Variants in MILR1 observed in about 807,000 individuals in gnomAD.
The protein encoded by MILR1 is mast cell immunoglobulin like receptor 1.
MILR1 carries 31 observed loss-of-function variants against 18.5 expected under a neutral mutation model. The ratio of observed to expected loss-of-function variants is 1.68; its 90% CI spans 1.26 to 2.26. The LOEUF (loss-of-function observed/expected upper bound fraction) is 2.26, where lower values mean the gene tolerates loss of function less well. MILR1 is among the 30% of genes most tolerant of loss of function. The pLI, the probability that MILR1 is intolerant of heterozygous loss-of-function variation, is 0.00. For missense variants in MILR1, 257 were observed against 157.4 expected (o/e 1.63, Z -3.38); for synonymous variants, 85 against 56.2 (o/e 1.51, Z -2.30).
rs141338649 is a variant in MILR1, at chr17:64,461,784, C to T, written c.763+852C>T. On this transcript the variant is annotated intron_variant, in intron 5 of 9. Transcript: ENST00000619286. ...ACTAGCTCCCCATCCCCTCTTCCCC[C>T]GGGCTCTGCCAACCACCATTCTGCT... is the stretch of plus-strand genomic sequence containing the variant. Among the ~76,000 whole-genome samples the T allele has an allele frequency of 2.2e-3, 338 of 152,264 alleles. 1 individual carries two copies. The highest frequency in any genetic ancestry group is 3.9e-3 in the Non-Finnish European group (263 of 68,028).
the MILR1 span, among the ~76,000 whole-genome samples, chr17:64,475,045 C>T: frequency 5.9e-5 from 9 of 151,526 alleles, no homozygotes; most frequent in African/African-American, 2.2e-4. Flanking sequence ...AAAAATTAAC[C>T]ACGTGTGGTA....
chr17:64,490,611 G>A, the MILR1 span: 1 of 613,946 alleles, frequency 1.6e-6, no homozygotes, highest in Non-Finnish European at 2.9e-6. Flanking sequence ...TGTGGCAATA[G>A]TGGATTACTG....
the MILR1 span, chr17:64,492,693 G>T: frequency 4.3e-6 from 7 of 1,610,022 alleles, no homozygotes; most frequent in South Asian, 4.4e-5. Context: ...AGTCGATGAC[G>T]TAACCAGAAA....
At chr17:64,493,094 T>G in the MILR1 span, 1 of 1,434,812 alleles carries the variant, frequency 7.0e-7, no homozygotes, top group East Asian at 2.3e-5. Context: ...ATAGACACAT[T>G]AATAGTAGTA....
the MILR1 span, among the ~76,000 whole-genome samples, chr17:64,491,968 A>G: frequency 6.6e-6 from 1 of 152,066 alleles, no homozygotes; most frequent in Non-Finnish European, 1.5e-5. Flanking sequence ...AGACAACAAA[A>G]ATAAAATAAA....
intron 3 of MILR1, among the ~76,000 whole-genome samples, chr17:64,456,465 GA>G (rs2037303641): frequency 6.6e-6 from 1 of 152,088 alleles, no homozygotes; most frequent in Non-Finnish European, 1.5e-5. Flanking sequence ...TGGAGGAAGT[GA>G]AAGATAATTG....
At chr17:64,493,359 G>C in the MILR1 span, among the ~76,000 whole-genome samples, 1 of 152,114 alleles carries the variant, frequency 6.6e-6, no homozygotes, top group Non-Finnish European at 1.5e-5. Context: ...CAAGGTTGCA[G>C]TGAGCTGGGA....
At chr17:64,460,019 T>TATTC (rs2037394713) in intron 4 of MILR1, among the ~76,000 whole-genome samples, 1 of 146,908 alleles carries the variant, frequency 6.8e-6, no homozygotes, top group African/African-American at 2.5e-5. Flanking sequence ...TTTATTTATT[T>TATTC]ATTTATTTAT....
chr17:64,451,931 CAAA>C (rs1268220197), intron 2 of MILR1, among the ~76,000 whole-genome samples: 1 of 118,598 alleles, frequency 8.4e-6, no homozygotes, highest in Non-Finnish European at 1.8e-5. Flanking sequence ...GACTCTGTCT[CAAA>C]AAAAAAAAAA....
chr17:64,496,778 T>C, the MILR1 span: 5 of 1,613,546 alleles, frequency 3.1e-6, no homozygotes, highest in East Asian at 1.1e-4. Flanking sequence ...CTCGCTTCCC[T>C]CTCCAGACCC....
At chr17:64,470,965 G>GGAA (rs781954820), downstream of MILR1, among the ~76,000 whole-genome samples, 1 of 152,122 alleles carries the variant, frequency 6.6e-6, no homozygotes, top group African/African-American at 2.4e-5. Flanking sequence ...ACATGGCAGG[G>GGAA]GAAGGTCTTA....
chr17:64,489,586 C>T, the MILR1 span, among the ~76,000 whole-genome samples: 1 of 151,772 alleles, frequency 6.6e-6, no homozygotes, highest in Non-Finnish European at 1.5e-5. Context: ...CAAAGCTAGA[C>T]CCCGTCTCTA....
chr17:64,460,506 T>TTTTA (rs1434710252), intron 4 of MILR1, among the ~76,000 whole-genome samples: 3 of 151,902 alleles, frequency 2.0e-5, no homozygotes, highest in Non-Finnish European at 4.4e-5. Flanking sequence ...CCTGGCTAAT[T>TTTTA]TTTATTTATT....
the MILR1 span, chr17:64,492,752 G>C: frequency 1.6e-5 from 25 of 1,612,272 alleles, no homozygotes; most frequent in Non-Finnish European, 2.1e-5. Context: ...TACTAACGAA[G>C]CTTCAGTCTT....
At chr17:64,491,115 A>G in the MILR1 span, 1 of 696,192 alleles carries the variant, frequency 1.4e-6, no homozygotes, top group South Asian at 1.7e-5. Context: ...CAAATTTTAA[A>G]GTTTATTCTA....
downstream of MILR1, among the ~76,000 whole-genome samples, chr17:64,473,308 G>A (rs146048952): frequency 0.064 from 9,639 of 149,452 alleles, 430 homozygotes; most frequent in Admixed American, 0.15. Flanking sequence ...CCCAGATCGC[G>A]CCACTGCACT....
chr17:64,452,178 C>A (rs7211797), intron 2 of MILR1, among the ~76,000 whole-genome samples: 1 of 150,780 alleles, frequency 6.6e-6, no homozygotes, highest in Non-Finnish European at 1.5e-5. Context: ...CCTCAAGTGA[C>A]CCTCCCACCA....
chr17:64,450,415 A>G (rs1336473805), intron 2 of MILR1, among the ~76,000 whole-genome samples: 3 of 152,076 alleles, frequency 2.0e-5, no homozygotes, highest in Non-Finnish European at 2.9e-5. Context: ...TCCTCCTCCA[A>G]TTCTTCTCCC....
intron 2 of MILR1, among the ~76,000 whole-genome samples, chr17:64,452,128 G>A (rs1049434062): frequency 6.8e-5 from 10 of 146,908 alleles, no homozygotes; most frequent in Middle Eastern, 3.3e-3. Flanking sequence ...AATTAGAGAC[G>A]AGGTCTCACT....
Sources: gnomAD v4.1 joint callset for allele counts (sites outside exome capture counted in the v4.1 genomes callset) on GRCh38, gnomAD v4.1.1 for gene constraint, MANE v1.5 for transcripts, NCBI Gene and HGNC (gene_info 2026-07-23, HGNC 2026-07-21) for gene names.